Variants in FGGY observed in about 807,000 individuals in gnomAD.
FGGY encodes the protein FGGY carbohydrate kinase domain-containing protein.
A neutral mutation model predicts 71.3 loss-of-function variants in FGGY; 72 were observed. The ratio of observed to expected loss-of-function variants is 1.01; its 90% CI spans 0.84 to 1.23. The LOEUF (loss-of-function observed/expected upper bound fraction) is 1.23. Among genes scored for constraint, FGGY ranks in the 50% most tolerant of loss-of-function variants. The pLI is 0.00. For synonymous variants in FGGY, 251 were observed against 250.3 expected (o/e 1.00, Z -0.02); for missense variants, 668 against 682.3 (o/e 0.98, Z 0.23).
chr1:59,457,299 A>C (rs907267014), intron 6 of FGGY, among the ~76,000 whole-genome samples: 1 of 152,112 alleles, frequency 6.6e-6, no homozygotes, highest in Non-Finnish European at 1.5e-5. Flanking sequence ...TGCTATGAAA[A>C]TCTGCATTGA....
chr1:59,649,025 G>A (rs1572621201), intron 11 of FGGY, among the ~76,000 whole-genome samples: 1 of 151,390 alleles, frequency 6.6e-6, no homozygotes, highest in South Asian at 2.1e-4. Flanking sequence ...CCCATTGCTT[G>A]TTTTTCTCAG....
chr1:59,597,522 C>G (rs993931386), intron 8 of FGGY, among the ~76,000 whole-genome samples: 1 of 152,096 alleles, frequency 6.6e-6, no homozygotes, highest in Non-Finnish European at 1.5e-5. Context: ...AAAGTTAAAC[C>G]CCCACATGAG....
intron 6 of FGGY, among the ~76,000 whole-genome samples, chr1:59,502,679 C>T (rs755344356): frequency 1.1e-4 from 16 of 152,144 alleles, no homozygotes; most frequent in South Asian, 4.1e-4. Flanking sequence ...GTGCTGACAA[C>T]GTGGAAGAAG....
chr1:59,452,096 T>A (rs1219748645), intron 5 of FGGY, among the ~76,000 whole-genome samples: 1 of 151,494 alleles, frequency 6.6e-6, no homozygotes, highest in Non-Finnish European at 1.5e-5. Context: ...TTTTTTTTAT[T>A]CCTTTTCTCT....
At chr1:59,513,448 G>A (rs2094564645) in intron 7 of FGGY, among the ~76,000 whole-genome samples, 1 of 152,146 alleles carries the variant, frequency 6.6e-6, no homozygotes, top group South Asian at 2.1e-4. Flanking sequence ...CAGAATGATT[G>A]GTCCTCCACT....
chr1:59,601,249 C>T (rs907535394), intron 8 of FGGY, among the ~76,000 whole-genome samples: 1 of 152,210 alleles, frequency 6.6e-6, no homozygotes, highest in Non-Finnish European at 1.5e-5. Context: ...TTAGGCCAGC[C>T]TCGGAGTGAT....
At chr1:59,459,889 T>C (rs1255897068) in intron 6 of FGGY, among the ~76,000 whole-genome samples, 4 of 152,240 alleles carry the variant, frequency 2.6e-5, no homozygotes, top group Admixed American at 6.5e-5. Context: ...AGAGTGATTA[T>C]CTGCATTACT....
At chr1:59,434,885 A>G (rs2068098882) in intron 5 of FGGY, among the ~76,000 whole-genome samples, 1 of 152,218 alleles carries the variant, frequency 6.6e-6, no homozygotes, top group Admixed American at 6.5e-5. Flanking sequence ...ACCTAAAGAC[A>G]TTCACAGTTA....
chr1:59,718,463 G>A (rs2097860613), intron 14 of FGGY, among the ~76,000 whole-genome samples: 1 of 152,146 alleles, frequency 6.6e-6, no homozygotes, highest in Non-Finnish European at 1.5e-5. Flanking sequence ...TCTGTTTCTT[G>A]CAGTTCCTAC....
chr1:59,466,359 A>T (rs2092627087), intron 6 of FGGY, among the ~76,000 whole-genome samples: 1 of 152,148 alleles, frequency 6.6e-6, no homozygotes, highest in East Asian at 1.9e-4. Flanking sequence ...TTAATTCAAG[A>T]TGGATTAAAG....
At chr1:59,380,925 T>G (rs971117182) in intron 5 of FGGY, among the ~76,000 whole-genome samples, 16 of 148,588 alleles carry the variant, frequency 1.1e-4, no homozygotes, top group Admixed American at 6.6e-5. Context: ...ATGGTTTTAG[T>G]TCTAACATGT....
intron 5 of FGGY, among the ~76,000 whole-genome samples, chr1:59,448,031 AC>A (rs151115558): frequency 0.034 from 5,175 of 152,072 alleles, 137 homozygotes; most frequent in Non-Finnish European, 0.05. Flanking sequence ...GGTGAGCACC[AC>A]CACCTCCTGA....
chr1:59,519,540 T>C (rs2094763424), intron 7 of FGGY, among the ~76,000 whole-genome samples: 1 of 152,252 alleles, frequency 6.6e-6, no homozygotes, highest in South Asian at 2.1e-4. Context: ...TTCCCTGTTA[T>C]TGCTTCCTGG....
intron 9 of FGGY, among the ~76,000 whole-genome samples, chr1:59,618,713 G>A (rs1011626861): frequency 5.3e-5 from 8 of 152,072 alleles, no homozygotes; most frequent in African/African-American, 1.9e-4. Flanking sequence ...TGTCCTCAGT[G>A]AGAATGAGAC....
intron 6 of FGGY, among the ~76,000 whole-genome samples, chr1:59,494,703 A>G (rs985663680): frequency 4.7e-4 from 72 of 152,172 alleles, no homozygotes; most frequent in Admixed American, 3.5e-3. Context: ...GTTGCCCACA[A>G]GGAAATTATG....
chr1:59,301,323 C>T (rs990507696), intron 1 of FGGY, among the ~76,000 whole-genome samples: 1 of 152,160 alleles, frequency 6.6e-6, no homozygotes, highest in African/African-American at 2.4e-5. Context: ...AAATCTTGCT[C>T]ATGTGCTTAT....
intron 4 of FGGY, among the ~76,000 whole-genome samples, chr1:59,378,273 C>T (rs1478804786): frequency 6.6e-6 from 1 of 151,886 alleles, no homozygotes; most frequent in African/African-American, 2.4e-5. Context: ...GCAGTTTTCC[C>T]CATGCTGTTC....
chr1:59,580,446 G>C (rs1483770733), intron 8 of FGGY, among the ~76,000 whole-genome samples: 1 of 152,060 alleles, frequency 6.6e-6, no homozygotes, highest in Admixed American at 6.6e-5. Context: ...CATCCTCTCA[G>C]ACTCCAGTTT....
intron 8 of FGGY, among the ~76,000 whole-genome samples, chr1:59,596,500 G>T (rs1393251204): frequency 6.7e-6 from 1 of 149,402 alleles, no homozygotes; most frequent in African/African-American, 2.5e-5. Context: ...ATATGGACTT[G>T]TGAGTCAGAT....
Sources: gnomAD v4.1 joint callset for allele counts (sites outside exome capture counted in the v4.1 genomes callset) on GRCh38, gnomAD v4.1.1 for gene constraint, MANE v1.5 for transcripts, NCBI Gene and HGNC (gene_info 2026-07-23, HGNC 2026-07-21) for gene names.